Variants in GPC6 observed in about 807,000 individuals in gnomAD.
GPC6 encodes the protein glypican-6.
In GPC6, 14 loss-of-function variants were observed where a neutral mutation model predicts 55.2. That is an observed-to-expected ratio of 0.25 (90% CI 0.17 to 0.40). The LOEUF is 0.40. Ranked by LOEUF, GPC6 falls within the 10% of genes least tolerant of loss-of-function variation. GPC6 has a pLI of 1.00. For missense variants in GPC6, 641 were observed against 708.5 expected, an observed-to-expected ratio of 0.90 and a Z score of 1.08; for synonymous variants, 278 against 259.6, an observed-to-expected ratio of 1.07 and a Z score of -0.68.
chr13:93,846,186 T>C (rs1316645839), intron 3 of GPC6, among the ~76,000 whole-genome samples: 1 of 152,144 alleles, frequency 6.6e-6, no homozygotes, highest in African/African-American at 2.4e-5. Context: ...GTTCCTATTT[T>C]ATGTCATTAT....
intron 2 of GPC6, among the ~76,000 whole-genome samples, chr13:93,557,450 G>T (rs932110368): frequency 6.6e-6 from 1 of 152,152 alleles, no homozygotes; most frequent in African/African-American, 2.4e-5. Flanking sequence ...ATTAAGTAAT[G>T]ATTTAAGCAA....
chr13:93,928,292 T>G (rs1877964308), intron 3 of GPC6, among the ~76,000 whole-genome samples: 1 of 152,234 alleles, frequency 6.6e-6, no homozygotes, highest in African/African-American at 2.4e-5. Flanking sequence ...AGTGTGGGAA[T>G]GAAATTATTT....
At chr13:93,281,352 T>C (rs1252355064) in intron 1 of GPC6, among the ~76,000 whole-genome samples, 1 of 152,218 alleles carries the variant, frequency 6.6e-6, no homozygotes. Context: ...TCCTGATTCA[T>C]AGATTGCCAT....
chr13:93,216,626 C>T, the GPC6 span, among the ~76,000 whole-genome samples: 1 of 152,060 alleles, frequency 6.6e-6, no homozygotes, highest in Non-Finnish European at 1.5e-5. Context: ...GGACAAAAAT[C>T]CACTTCTCAG....
intron 1 of GPC6, among the ~76,000 whole-genome samples, chr13:93,537,155 G>A (rs1033340277): frequency 2.0e-5 from 3 of 152,016 alleles, no homozygotes; most frequent in Non-Finnish European, 4.4e-5. Flanking sequence ...AAAAATTTTC[G>A]TAAGTTTGCT....
intron 4 of GPC6, among the ~76,000 whole-genome samples, chr13:94,103,025 A>T (rs1885921950): frequency 6.6e-6 from 1 of 152,048 alleles, no homozygotes; most frequent in African/African-American, 2.4e-5. Flanking sequence ...TCCTAATGCT[A>T]TCCCTACCCA....
At chr13:93,859,793 A>C (rs1888750672) in intron 3 of GPC6, among the ~76,000 whole-genome samples, 1 of 151,650 alleles carries the variant, frequency 6.6e-6, no homozygotes, top group Non-Finnish European at 1.5e-5. Flanking sequence ...TGACTGACTC[A>C]TGCCCTCCCA....
intron 5 of GPC6, among the ~76,000 whole-genome samples, chr13:94,292,912 G>T (rs543836133): frequency 1.3e-5 from 2 of 152,088 alleles, no homozygotes; most frequent in East Asian, 1.9e-4. Flanking sequence ...GGGATGAGGC[G>T]CATTGAGATT....
intron 3 of GPC6, among the ~76,000 whole-genome samples, chr13:93,977,433 A>G (rs182148160): frequency 9.2e-4 from 136 of 148,516 alleles, no homozygotes; most frequent in African/African-American, 3.4e-3. Context: ...TTCCAAGCCA[A>G]ATTGGTTTTC....
At chr13:93,594,236 G>T (rs1456455368) in intron 2 of GPC6, among the ~76,000 whole-genome samples, 6 of 151,586 alleles carry the variant, frequency 4.0e-5, no homozygotes, top group Admixed American at 2.6e-4. Flanking sequence ...TCTGTTATGG[G>T]GGTTTGTTGT....
At chr13:94,135,256 A>C (rs1010950920) in intron 4 of GPC6, among the ~76,000 whole-genome samples, 3 of 50,244 alleles carry the variant, frequency 6.0e-5, no homozygotes, top group Non-Finnish European at 1.3e-4. Context: ...TAGTATGCAA[A>C]AAAAAAAAAA....
chr13:93,239,878 T>C (rs1380997522), intron 1 of GPC6, among the ~76,000 whole-genome samples: 2 of 152,104 alleles, frequency 1.3e-5, no homozygotes, highest in Non-Finnish European at 2.9e-5. Flanking sequence ...ATGTTGATTT[T>C]GTCATTGACC....
At chr13:93,248,088 G>A (rs1391723512) in intron 1 of GPC6, among the ~76,000 whole-genome samples, 1 of 152,200 alleles carries the variant, frequency 6.6e-6, no homozygotes, top group Non-Finnish European at 1.5e-5. Flanking sequence ...GCTGGTTGCT[G>A]TGATTTAGGA....
chr13:93,962,670 G>T (rs1879840005), intron 3 of GPC6, among the ~76,000 whole-genome samples: 1 of 152,124 alleles, frequency 6.6e-6, no homozygotes, highest in African/African-American at 2.4e-5. Context: ...AATCCAGGTG[G>T]TAAAACCTAG....
rs1236529973 is a variant in GPC6, at chr13:94,398,618, A to G, written c.1442A>G (p.Asn481Ser). Residue 481 changes from asparagine to serine, a missense_variant, in exon 8 of 9, where the codon AAT becomes AGT. Physicochemically the swap from Asn to Ser is conservative, Grantham distance 46. Coordinates refer to ENST00000377047, the MANE Select transcript of GPC6 (RefSeq NM_005708.5). The stretch of plus-strand genomic sequence containing the variant: ...AAACTAAAAAACGCCTACAATGGCA[A>G]TGATGTCAATTTCCAGGACACAAGT... ...TNKLKNAYNGNDVNFQDTSDE... is the reference protein window; with the variant it reads ...TNKLKNAYNGSDVNFQDTSDE... 1.2e-6 allele frequency: 2 copies of G among 1,614,016 alleles called. No individual in the cohort carries two copies. The highest frequency in any genetic ancestry group is 1.7e-5 in the Admixed American group (1 of 60,000).
chr13:94,077,740 A>G lies in GPC6; in HGVS notation c.877+49846A>G, dbSNP rs74482636. On this transcript the variant is annotated intron_variant, in intron 4 of 8. Transcript: ENST00000377047. The stretch of plus-strand genomic sequence containing the variant: ...TTATGGAGATGATAATATGCTTTCT[A>G]TCCTTCATTCCCTTAATGTAGTATT... 4.9e-3 allele frequency among the ~76,000 whole-genome samples: 733 copies of G among 150,846 alleles called. 8 individuals are homozygous for G. Among genetic ancestry groups the G allele is most frequent in the African/African-American group, 0.017 (694 of 41,454 alleles).
intron 2 of GPC6, among the ~76,000 whole-genome samples, chr13:93,813,407 T>C (rs532468522): frequency 6.6e-6 from 1 of 152,216 alleles, no homozygotes; most frequent in African/African-American, 2.4e-5. Context: ...GAGAGAACTT[T>C]GCATAACTTC....
At chr13:93,997,469 T>C (rs1404350101) in intron 3 of GPC6, among the ~76,000 whole-genome samples, 1 of 152,142 alleles carries the variant, frequency 6.6e-6, no homozygotes, top group Admixed American at 6.6e-5. Flanking sequence ...TGCTCTGCTC[T>C]TCGTGTCCAG....
intron 8 of GPC6, among the ~76,000 whole-genome samples, chr13:94,402,174 C>A (rs1881165971): frequency 6.6e-6 from 1 of 152,148 alleles, no homozygotes; most frequent in Admixed American, 6.5e-5. Context: ...TTGATAGAGA[C>A]CTCTCACTAC....
Sources: allele counts gnomAD v4.1 joint callset (sites outside exome capture counted in the v4.1 genomes callset), GRCh38; gene constraint gnomAD v4.1.1; transcripts MANE v1.5; gene names NCBI Gene and HGNC (gene_info 2026-07-23, HGNC 2026-07-21).